The following NRXN3 variants were observed in gnomAD, a reference collection of about 807,000 sequenced individuals.
The protein encoded by NRXN3 is neurexin III.
In NRXN3, 32 loss-of-function variants were observed where a neutral mutation model predicts 137.6. That is an observed-to-expected ratio of 0.23 (90% CI 0.18 to 0.31). The LOEUF (loss-of-function observed/expected upper bound fraction) is 0.31. Among genes scored for constraint, NRXN3 ranks in the 10% least tolerant of loss-of-function variants. The probability of loss-of-function intolerance (pLI) is 1.00; values close to 1 mark genes in which losing one functional copy is unlikely to be tolerated. For synonymous variants in NRXN3, 798 were observed against 784.5 expected, an observed-to-expected ratio of 1.02 and a Z score of -0.29; for missense variants, 1,574 against 2,062.5, an observed-to-expected ratio of 0.76 and a Z score of 4.59.
At chr14:79,719,026 A>G (rs1324569647) in intron 19 of NRXN3, among the ~76,000 whole-genome samples, 1 of 152,126 alleles carries the variant, frequency 6.6e-6, no homozygotes, top group Non-Finnish European at 1.5e-5. Context: ...TGGATTTTAA[A>G]TGTTACCTTC....
chr14:79,508,355 T>A (rs1365813715), intron 16 of NRXN3, among the ~76,000 whole-genome samples: 1 of 143,826 alleles, frequency 7.0e-6, no homozygotes, highest in Non-Finnish European at 1.5e-5. Context: ...GGATATCTTT[T>A]TTATAACTGA....
At chr14:78,782,129 A>C (rs1465582662) in intron 8 of NRXN3, among the ~76,000 whole-genome samples, 1 of 152,196 alleles carries the variant, frequency 6.6e-6, no homozygotes, top group Non-Finnish European at 1.5e-5. Context: ...TTAGCCTTGC[A>C]GGCCTCACCT....
At chr14:79,516,634 A>T (rs894913911) in intron 16 of NRXN3, among the ~76,000 whole-genome samples, 1 of 152,294 alleles carries the variant, frequency 6.6e-6, no homozygotes, top group East Asian at 1.9e-4. Context: ...TCTGTTCTTC[A>T]TCTACTCAAG....
At chr14:78,468,754 G>C (rs1286649441) in intron 4 of NRXN3, among the ~76,000 whole-genome samples, 1 of 152,180 alleles carries the variant, frequency 6.6e-6, no homozygotes, top group Non-Finnish European at 1.5e-5. Context: ...CAATCCAGTA[G>C]AGCAGTTAAG....
At chr14:78,270,557 A>G (rs1263999075) in intron 2 of NRXN3, among the ~76,000 whole-genome samples, 1 of 152,178 alleles carries the variant, frequency 6.6e-6, no homozygotes, top group Non-Finnish European at 1.5e-5. Context: ...GGGAAATATT[A>G]TTTGGCTGGA....
intron 19 of NRXN3, among the ~76,000 whole-genome samples, chr14:79,698,740 C>G (rs1055594021): frequency 3.9e-5 from 6 of 151,966 alleles, no homozygotes; most frequent in Non-Finnish European, 7.4e-5. Context: ...CCAATTGCTG[C>G]TGCGACAACA....
At chr14:79,361,433 T>A (rs982638048) in intron 15 of NRXN3, among the ~76,000 whole-genome samples, 1 of 152,152 alleles carries the variant, frequency 6.6e-6, no homozygotes, top group African/African-American at 2.4e-5. Flanking sequence ...ACAAAGTTTA[T>A]CTGCTGAGTG....
At chr14:78,773,449 T>C (rs1474452542) in intron 8 of NRXN3, among the ~76,000 whole-genome samples, 2 of 152,180 alleles carry the variant, frequency 1.3e-5, no homozygotes, top group African/African-American at 4.8e-5. Context: ...CTAATTCTTA[T>C]TTTATGGAAG....
chr14:78,982,246 T>G (rs950044619), intron 14 of NRXN3, among the ~76,000 whole-genome samples: 2 of 152,250 alleles, frequency 1.3e-5, no homozygotes, highest in African/African-American at 4.8e-5. Flanking sequence ...TTATTTTTTC[T>G]TTGTTATTTA....
At chr14:79,326,625 G>T (rs527823756) in intron 15 of NRXN3, among the ~76,000 whole-genome samples, 1 of 152,084 alleles carries the variant, frequency 6.6e-6, no homozygotes, top group African/African-American at 2.4e-5. Context: ...ACCTTGGTCC[G>T]TTTCTGTCTC....
At chr14:78,405,173 C>T (rs2092395684) in intron 4 of NRXN3, among the ~76,000 whole-genome samples, 1 of 152,140 alleles carries the variant, frequency 6.6e-6, no homozygotes. Flanking sequence ...ATGCTTGATG[C>T]TACAAACCTA....
At chr14:78,291,408 C>T (rs1410358265) in intron 3 of NRXN3, among the ~76,000 whole-genome samples, 2 of 152,342 alleles carry the variant, frequency 1.3e-5, no homozygotes, top group East Asian at 3.9e-4. Context: ...ACCAAGTTAA[C>T]TGAATTCCGT....
intron 15 of NRXN3, among the ~76,000 whole-genome samples, chr14:79,232,244 G>A (rs986022468): frequency 6.6e-6 from 1 of 152,012 alleles, no homozygotes; most frequent in African/African-American, 2.4e-5. Context: ...CCACGTCTTT[G>A]TGTGTGTGCG....
At chr14:79,583,255 TACCTACCTC>T (rs919687391) in intron 16 of NRXN3, among the ~76,000 whole-genome samples, 1 of 152,166 alleles carries the variant, frequency 6.6e-6, no homozygotes, top group African/African-American at 2.4e-5. Flanking sequence ...ATAATTACAG[TACCTACCTC>T]ACAAGGTTGT....
At chr14:79,739,765 G>A (rs187916088) in intron 19 of NRXN3, among the ~76,000 whole-genome samples, 60 of 151,090 alleles carry the variant, frequency 4.0e-4, no homozygotes, top group African/African-American at 1.3e-3. Flanking sequence ...CACCAGCTAC[G>A]GGAAAGGGCA....
chr14:79,570,824 G>T (rs972095091), intron 16 of NRXN3, among the ~76,000 whole-genome samples: 10 of 152,184 alleles, frequency 6.6e-5, no homozygotes, highest in Non-Finnish European at 1.2e-4. Context: ...TTCCTGGCTT[G>T]CAGTCAGCTG....
intron 4 of NRXN3, among the ~76,000 whole-genome samples, chr14:78,454,594 TGTGGCCTCTCTACA>T (rs2094637115): frequency 6.6e-6 from 1 of 152,234 alleles, no homozygotes; most frequent in Admixed American, 6.5e-5. Context: ...CATTTAATGC[TGTGGCCTCTCTACA>T]GTGTCTGTCA....
chr14:79,315,051 G>T (rs2088231433), intron 15 of NRXN3, among the ~76,000 whole-genome samples: 1 of 152,148 alleles, frequency 6.6e-6, no homozygotes, highest in Non-Finnish European at 1.5e-5. Context: ...TTGGAAACTT[G>T]GCAGCCCGTG....
chr14:78,540,390 T>G (rs2096577404), intron 4 of NRXN3, among the ~76,000 whole-genome samples: 1 of 151,762 alleles, frequency 6.6e-6, no homozygotes, highest in African/African-American at 2.4e-5. Flanking sequence ...TTGATCTTTG[T>G]TGGTTTAAAG....
Sources: gnomAD v4.1 joint callset for allele counts (sites outside exome capture counted in the v4.1 genomes callset) on GRCh38, gnomAD v4.1.1 for gene constraint, MANE v1.5 for transcripts, NCBI Gene and HGNC (gene_info 2026-07-23, HGNC 2026-07-21) for gene names.